PCDH15: variants seen among roughly 807,000 people sequenced by gnomAD.
The protein encoded by PCDH15 is protocadherin-15.
In PCDH15, 129 loss-of-function variants were observed where a neutral mutation model predicts 178.5. The ratio of observed to expected loss-of-function variants is 0.72; its 90% CI spans 0.63 to 0.84. The LOEUF (loss-of-function observed/expected upper bound fraction) is 0.84. Among genes scored for constraint, PCDH15 ranks in the 40% least tolerant of loss-of-function variants. The probability of loss-of-function intolerance (pLI) is 0.00; values close to 1 mark genes in which losing one functional copy is unlikely to be tolerated. For synonymous variants in PCDH15, 800 were observed against 732.0 expected, an observed-to-expected ratio of 1.09 and a Z score of -1.50; for missense variants, 2,230 against 2,099.9, an observed-to-expected ratio of 1.06 and a Z score of -1.21.
At chr10:54,002,429 G>T (rs2092202727) in intron 20 of PCDH15, among the ~76,000 whole-genome samples, 1 of 151,938 alleles carries the variant, frequency 6.6e-6, no homozygotes, top group Admixed American at 6.6e-5. Flanking sequence ...TCAAATACAG[G>T]CCATACCTTA....
At chr10:55,108,682 C>T (rs564716851) in intron 2 of PCDH15, among the ~76,000 whole-genome samples, 1 of 151,542 alleles carries the variant, frequency 6.6e-6, no homozygotes, top group African/African-American at 2.4e-5. Context: ...AAACGTAAAG[C>T]ATTCCTAATT....
At chr10:54,452,255 A>T (rs1174590427) in intron 3 of PCDH15, among the ~76,000 whole-genome samples, 1 of 151,946 alleles carries the variant, frequency 6.6e-6, no homozygotes, top group Non-Finnish European at 1.5e-5. Flanking sequence ...AATCCTATAA[A>T]ATGCTTCTCC....
intron 2 of PCDH15, among the ~76,000 whole-genome samples, chr10:55,606,837 G>A (rs1457447538): frequency 6.8e-6 from 1 of 146,186 alleles, no homozygotes; most frequent in East Asian, 2.0e-4. Flanking sequence ...ATAGGCATGG[G>A]CAAGGACTTC....
At chr10:54,958,367 A>T (rs777078142) in intron 2 of PCDH15, among the ~76,000 whole-genome samples, 7 of 151,956 alleles carry the variant, frequency 4.6e-5, no homozygotes, top group African/African-American at 7.2e-5. Context: ...CAAGGAAAAA[A>T]CAAACACAAG....
intron 10 of PCDH15, among the ~76,000 whole-genome samples, chr10:54,207,122 G>T (rs568995244): frequency 3.4e-4 from 51 of 152,212 alleles, no homozygotes; most frequent in Non-Finnish European, 6.8e-4. Flanking sequence ...TGTGTCTTTT[G>T]TCAGTTTGTG....
At chr10:53,918,176 C>T (rs554465134) in intron 25 of PCDH15, among the ~76,000 whole-genome samples, 3 of 152,154 alleles carry the variant, frequency 2.0e-5, no homozygotes, top group East Asian at 1.9e-4. Context: ...ATGGAAGGTG[C>T]GTTACTCTTT....
At chr10:54,441,969 GA>G (rs1210895691) in intron 3 of PCDH15, among the ~76,000 whole-genome samples, 1 of 151,616 alleles carries the variant, frequency 6.6e-6, no homozygotes, top group Non-Finnish European at 1.5e-5. Context: ...ACCATCAAGG[GA>G]ATTAATAACA....
chr10:55,317,151 C>A (rs1024128681), intron 1 of PCDH15, among the ~76,000 whole-genome samples: 28 of 152,246 alleles, frequency 1.8e-4, no homozygotes, highest in African/African-American at 5.8e-4. Context: ...AGAAACTGAG[C>A]CTTAATTTCA....
At chr10:53,908,166 G>A (rs960087925) in intron 25 of PCDH15, among the ~76,000 whole-genome samples, 1 of 152,152 alleles carries the variant, frequency 6.6e-6, no homozygotes, top group African/African-American at 2.4e-5. Flanking sequence ...ATAGGGGAAC[G>A]TAGTGCTACT....
At chr10:54,535,236 G>T (rs1022623315) in intron 2 of PCDH15, among the ~76,000 whole-genome samples, 1 of 152,040 alleles carries the variant, frequency 6.6e-6, no homozygotes, top group African/African-American at 2.4e-5. Flanking sequence ...TTCATTCATG[G>T]TAATTACTCA....
At chr10:55,047,059 G>C (rs909183061) in intron 2 of PCDH15, among the ~76,000 whole-genome samples, 1 of 151,586 alleles carries the variant, frequency 6.6e-6, no homozygotes, top group African/African-American at 2.4e-5. Flanking sequence ...TGCTTCAGTT[G>C]AATATCTAAG....
chr10:54,565,873 T>C (rs1244955818), intron 2 of PCDH15, among the ~76,000 whole-genome samples: 1 of 150,340 alleles, frequency 6.7e-6, no homozygotes, highest in Non-Finnish European at 1.5e-5. Context: ...TCACTTGAGG[T>C]TGGGAGTTTG....
upstream of PCDH15, among the ~76,000 whole-genome samples, chr10:55,322,589 T>TGCCTC (rs1843927286): frequency 6.6e-6 from 1 of 152,064 alleles, no homozygotes; most frequent in South Asian, 2.1e-4. Context: ...GAGGTGGCCT[T>TGCCTC]AGATGGAGAT....
intron 3 of PCDH15, among the ~76,000 whole-genome samples, chr10:54,876,099 A>G (rs968688678): frequency 6.6e-5 from 10 of 152,132 alleles, no homozygotes; most frequent in Non-Finnish European, 1.5e-4. Flanking sequence ...CTTACCATTC[A>G]GAAAATCCTA....
At chr10:54,857,320 A>T (rs1307310734) in intron 3 of PCDH15, among the ~76,000 whole-genome samples, 1 of 152,244 alleles carries the variant, frequency 6.6e-6, no homozygotes, top group African/African-American at 2.4e-5. Flanking sequence ...AATCTCAAAA[A>T]TGTGACAGGA....
At chr10:54,027,527 C>T (rs2135381991) in intron 18 of PCDH15, among the ~76,000 whole-genome samples, 1 of 150,730 alleles carries the variant, frequency 6.6e-6, no homozygotes, top group South Asian at 2.1e-4. Flanking sequence ...ATCACACTAC[C>T]TGACTTCAAA....
chr10:55,560,267 T>A (rs1842170858), intron 2 of PCDH15, among the ~76,000 whole-genome samples: 1 of 151,884 alleles, frequency 6.6e-6, no homozygotes, highest in South Asian at 2.1e-4. Context: ...AAGCAGCACT[T>A]GATATGCACA....
chr10:55,189,529 T>C (rs1046094699), intron 1 of PCDH15, among the ~76,000 whole-genome samples: 2 of 151,854 alleles, frequency 1.3e-5, no homozygotes, highest in African/African-American at 4.8e-5. Flanking sequence ...TACAGAACTC[T>C]AGGGATTGTA....
At chr10:54,603,102 A>G (rs1312784133) in intron 2 of PCDH15, among the ~76,000 whole-genome samples, 2 of 152,000 alleles carry the variant, frequency 1.3e-5, no homozygotes, top group African/African-American at 4.8e-5. Context: ...TTCTTCTTCA[A>G]TCTTGGTAGG....
Sources: allele counts gnomAD v4.1 joint callset (sites outside exome capture counted in the v4.1 genomes callset), GRCh38; gene constraint gnomAD v4.1.1; transcripts MANE v1.5; gene names NCBI Gene and HGNC (gene_info 2026-07-23, HGNC 2026-07-21).